UPP2: variants seen among roughly 807,000 people sequenced by gnomAD.
The protein encoded by UPP2 is uridine phosphorylase 2, also known as UPase 2.
Under a neutral mutation model 26.7 loss-of-function variants are expected in UPP2, and 23 were observed. The ratio of observed to expected loss-of-function variants is 0.86; its 90% CI spans 0.62 to 1.22. The LOEUF (loss-of-function observed/expected upper bound fraction) is 1.22. Ranked by LOEUF, UPP2 falls within the 50% of genes most tolerant of loss-of-function variation. The probability of loss-of-function intolerance (pLI) is 0.00; values close to 1 mark genes in which losing one functional copy is unlikely to be tolerated. For synonymous variants in UPP2, 127 were observed against 141.3 expected, an observed-to-expected ratio of 0.90 and a Z score of 0.72; for missense variants, 387 against 396.7, an observed-to-expected ratio of 0.98 and a Z score of 0.21.
chr2:158,026,548 A>C (rs1272697451), intron 3 of UPP2, among the ~76,000 whole-genome samples: 3 of 152,088 alleles, frequency 2.0e-5, no homozygotes, highest in Non-Finnish European at 4.4e-5. Context: ...GAGGAGATGC[A>C]TATATGGTTG....
At chr2:158,018,698 G>A (rs2105146541) in intron 3 of UPP2, among the ~76,000 whole-genome samples, 1 of 152,268 alleles carries the variant, frequency 6.6e-6, no homozygotes, top group East Asian at 1.9e-4. Context: ...GTCCAAACTA[G>A]GTAAACTTTT....
chr2:158,039,322 G>C (rs1284394483), intron 3 of UPP2, among the ~76,000 whole-genome samples: 1 of 152,172 alleles, frequency 6.6e-6, no homozygotes, highest in African/African-American at 2.4e-5. Context: ...GTCACATTGA[G>C]CAAGATTCTT....
At chr2:158,092,360 C>A (rs1307000843) in intron 3 of UPP2, among the ~76,000 whole-genome samples, 1 of 152,078 alleles carries the variant, frequency 6.6e-6, no homozygotes, top group East Asian at 1.9e-4. Flanking sequence ...AAAGAAGAGA[C>A]AGATTACTTA....
chr2:158,053,834 T>C (rs1041036138), intron 3 of UPP2, among the ~76,000 whole-genome samples: 1 of 152,186 alleles, frequency 6.6e-6, no homozygotes, highest in Non-Finnish European at 1.5e-5. Flanking sequence ...AGACAGATTA[T>C]AGGCCTTCTT....
intron 2 of UPP2, among the ~76,000 whole-genome samples, chr2:158,010,775 T>TC (rs1325421370): frequency 6.7e-6 from 1 of 148,512 alleles, no homozygotes; most frequent in African/African-American, 2.5e-5. Context: ...TTTTTTTTTT[T>TC]TTTTTTTTGA....
At chr2:158,073,640 G>T (rs746365746) in intron 3 of UPP2, among the ~76,000 whole-genome samples, 2 of 152,204 alleles carry the variant, frequency 1.3e-5, no homozygotes, top group Non-Finnish European at 2.9e-5. Context: ...TCTGGCAGCA[G>T]ACTTTTCAGT....
At chr2:158,118,401 C>G (rs951726152) in intron 4 of UPP2, among the ~76,000 whole-genome samples, 1 of 151,952 alleles carries the variant, frequency 6.6e-6, no homozygotes, top group Non-Finnish European at 1.5e-5. Flanking sequence ...CCTCTACTGG[C>G]TGTATCTTTT....
At chr2:158,030,440 A>G (rs551337454) in intron 3 of UPP2, among the ~76,000 whole-genome samples, 1 of 152,304 alleles carries the variant, frequency 6.6e-6, no homozygotes, top group South Asian at 2.1e-4. Flanking sequence ...ATTTGTGGCC[A>G]TCTTATATTT....
intron 2 of UPP2, among the ~76,000 whole-genome samples, chr2:158,011,966 G>A (rs76088634): frequency 0.016 from 2,379 of 152,206 alleles, 31 homozygotes; most frequent in South Asian, 0.073. Context: ...GGCTATGGCC[G>A]TATATGGTCT....
chr2:158,048,024 G>T (rs921392176), intron 3 of UPP2, among the ~76,000 whole-genome samples: 7 of 152,162 alleles, frequency 4.6e-5, no homozygotes, highest in African/African-American at 9.7e-5. Flanking sequence ...ATGAAGGCTG[G>T]GGGCATCTGA....
chr2:158,134,946 T>A lies in UPP2; in HGVS notation c.*56T>A. 6.6e-7 allele frequency: 1 copy of A among 1,524,304 alleles called. No homozygotes were observed. Among genetic ancestry groups the A allele is most frequent in the East Asian group, 2.4e-5 (1 of 41,820 alleles). 94.4% of individuals were successfully genotyped at this position (1,524,304 alleles called of 1,614,324 possible). A position where few individuals can be genotyped will look rare whatever the true frequency, so the allele number is the denominator to read the frequency against. On this transcript the variant is annotated 3_prime_UTR_variant, in exon 7 of 7. Transcript: ENST00000005756. ...TGCAAGTTTGTAGCTCAAGTTGTAATGTGAAAGTCATATTTTATTTGTGGC... is the reference window on the plus strand; with the variant it reads ...TGCAAGTTTGTAGCTCAAGTTGTAAAGTGAAAGTCATATTTTATTTGTGGC...
intron 3 of UPP2, among the ~76,000 whole-genome samples, chr2:158,056,389 T>C (rs1221873067): frequency 6.6e-6 from 1 of 152,182 alleles, no homozygotes; most frequent in East Asian, 1.9e-4. Context: ...GATTCAGATG[T>C]CTTTGTTTTG....
At chr2:158,058,477 G>A (rs1327780421) in intron 3 of UPP2, among the ~76,000 whole-genome samples, 1 of 146,872 alleles carries the variant, frequency 6.8e-6, no homozygotes, top group East Asian at 2.0e-4. Context: ...GAAAGGACGT[G>A]TGAGGACACA....
chr2:158,048,075 G>T (rs1362705823), intron 3 of UPP2, among the ~76,000 whole-genome samples: 1 of 152,168 alleles, frequency 6.6e-6, no homozygotes. Flanking sequence ...GGATTAAGGG[G>T]TGAGGCTTCT....
At position 158,130,171 on chromosome 2, in the gene UPP2, A is replaced by G. The variant is rs569221178; in HGVS notation, c.812-4577A>G. ...TAGATTGAGCTCTGAGTTTCCTGGA[A>G]GCCAAGCTGTAAACAAAAACACTGC... On this transcript the variant is annotated intron_variant, in intron 6 of 6. Coordinates refer to ENST00000005756, the MANE Select transcript of UPP2 (RefSeq NM_173355.4). Among the ~76,000 whole-genome samples, 4 of 152,000 alleles carry G rather than the reference A, an allele frequency of 2.6e-5. No individual in the cohort carries two copies. The South Asian group carries it at 6.3e-4, about 24-fold the overall frequency.
chr2:158,077,697 A>C (rs1682653122), intron 3 of UPP2, among the ~76,000 whole-genome samples: 1 of 152,088 alleles, frequency 6.6e-6, no homozygotes, highest in African/African-American at 2.4e-5. Context: ...ACAAGAAAAC[A>C]TTGGGAAACA....
At chr2:158,032,810 T>C (rs961488444) in intron 3 of UPP2, among the ~76,000 whole-genome samples, 5 of 152,038 alleles carry the variant, frequency 3.3e-5, no homozygotes, top group African/African-American at 4.8e-5. Flanking sequence ...GGTTTTTGAG[T>C]TGCTAAATAG....
rs1164823069 is a variant in UPP2 at position 158,010,771 on chromosome 2, T to TTTTTC, written c.62-5026_62-5025insCTTTT. Among the ~76,000 whole-genome samples the TTTTTC allele has an allele frequency of 5.7e-4, 85 of 149,858 alleles. 1 individual carries two copies. The highest frequency in any genetic ancestry group is 3.4e-3 in the Middle Eastern group (1 of 292). On this transcript the variant is annotated intron_variant, in intron 2 of 9. Coordinates refer to the UPP2 transcript ENST00000605860. ...ATTAGCTCCCTCTTTTTCTTTTTTT[T>TTTTTC]TTTTTTTTTTTTGAGACAGAGTCTC...
intron 1 of UPP2, among the ~76,000 whole-genome samples, chr2:158,103,344 T>C (rs1683115501): frequency 6.6e-6 from 1 of 152,200 alleles, no homozygotes; most frequent in Non-Finnish European, 1.5e-5. Context: ...GTGAAAATAA[T>C]TAATGGCTCT....
Sources: allele counts gnomAD v4.1 joint callset (sites outside exome capture counted in the v4.1 genomes callset), GRCh38; gene constraint gnomAD v4.1.1; transcripts MANE v1.5; gene names NCBI Gene and HGNC (gene_info 2026-07-23, HGNC 2026-07-21).